Variants in DOCK9 observed in about 807,000 individuals in gnomAD.
The protein encoded by DOCK9 is dedicator of cytokinesis 9.
A neutral mutation model predicts 263.3 loss-of-function variants in DOCK9; 89 were observed. The ratio of observed to expected loss-of-function variants is 0.34; its 90% CI spans 0.28 to 0.40. The LOEUF is 0.40. Ranked by LOEUF, DOCK9 falls within the 10% of genes least tolerant of loss-of-function variation. The pLI is 1.00. For missense variants in DOCK9, 2,140 were observed against 2,603.4 expected (o/e 0.82, Z 3.87); for synonymous variants, 976 against 973.1 (o/e 1.00, Z -0.06).
chr13:98,941,198 A>T (rs2055778853), intron 2 of DOCK9, among the ~76,000 whole-genome samples: 1 of 152,182 alleles, frequency 6.6e-6, no homozygotes, highest in East Asian at 1.9e-4. Context: ...GAATCTGACC[A>T]TGTTATTCAT....
At chr13:99,060,135 A>G (rs9517577) in intron 1 of DOCK9, among the ~76,000 whole-genome samples, 40,279 of 132,816 alleles carry the variant, frequency 0.3, 5,966 homozygotes, top group East Asian at 0.48. Flanking sequence ...CTGCAGTGGC[A>G]TGATCTCGGC....
At chr13:98,918,074 C>T (rs2051203087) in intron 7 of DOCK9, among the ~76,000 whole-genome samples, 1 of 152,210 alleles carries the variant, frequency 6.6e-6, no homozygotes, top group Admixed American at 6.5e-5. Flanking sequence ...TAGCCTCCCA[C>T]CATCATTGCT....
rs1271477344 is a variant in DOCK9 at position 98,827,060 on chromosome 13, T to C, written c.4966-173A>G. 3.3e-5 allele frequency among the ~76,000 whole-genome samples: 5 copies of C among 152,392 alleles called. No individual in the cohort carries two copies. In the East Asian group the frequency reaches 9.6e-4, roughly 29 times the overall value. ...TTTGAAGAGAGTGGAATCACTCACA[T>C]AAGCTGAAAATTTGAAATTAATTGG... On this transcript the variant is annotated intron_variant, in intron 43 of 52. Coordinates refer to ENST00000682017, the MANE Select transcript of DOCK9 (RefSeq NM_001366683.2).
At chr13:98,860,660 C>T (rs2093837510) in intron 32 of DOCK9, 138 bp from the exon 33 acceptor site, 2 of 487,632 alleles carry the variant, frequency 4.1e-6, no homozygotes, top group Non-Finnish European at 6.3e-6. Flanking sequence ...GAGGAGTAGC[C>T]TTGAGGCGTG....
At chr13:99,069,703 A>G (rs906837147) in intron 1 of DOCK9, among the ~76,000 whole-genome samples, 2 of 152,240 alleles carry the variant, frequency 1.3e-5, no homozygotes, top group Non-Finnish European at 2.9e-5. Flanking sequence ...CTCCAAAAGA[A>G]TATTTCACTT....
intron 1 of DOCK9, among the ~76,000 whole-genome samples, chr13:99,005,742 T>C (rs1435866192): frequency 6.6e-6 from 1 of 152,220 alleles, no homozygotes; most frequent in Admixed American, 6.5e-5. Flanking sequence ...GCTGATAATA[T>C]TTATCAGGTG....
Position 98,829,304 on chromosome 13 carries a change from T to C in DOCK9, c.4965+3A>G, listed in dbSNP as rs1485980912. On this transcript the variant is annotated splice_donor_region_variant and intron_variant, in intron 43 of 52. Transcript: ENST00000682017. The surrounding 1 kb of genome is among the most constrained non-coding windows in gnomAD (Gnocchi z 4.1). ...CCATTCAAGCGGCTGGCAGGGCTAC[T>C]ACCTCTGAGAGATCGCCATTTTTGA... 1.2e-6 allele frequency: 2 copies of C among 1,610,326 alleles called. No individual in the cohort carries two copies. Among genetic ancestry groups the C allele is most frequent in the Non-Finnish European group, 8.5e-7 (1 of 1,178,398 alleles).
intron 15 of DOCK9, among the ~76,000 whole-genome samples, chr13:98,892,314 C>A (rs544822257): frequency 3.9e-5 from 6 of 152,140 alleles, no homozygotes; most frequent in Non-Finnish European, 7.3e-5. Context: ...CCTCCCATGC[C>A]AACAGATTTG....
chr13:98,856,416 T>C (rs2093707806), intron 33 of DOCK9: 1 of 163,588 alleles, frequency 6.1e-6, no homozygotes, highest in Admixed American at 6.0e-5. Context: ...TAATAAACAC[T>C]GAGGAGCCTA....
chr13:98,820,138 T>C (rs538871761), intron 45 of DOCK9, among the ~76,000 whole-genome samples: 1 of 152,360 alleles, frequency 6.6e-6, no homozygotes, highest in South Asian at 2.1e-4. Flanking sequence ...AACATTTTCA[T>C]TAACCAATCA....
intron 1 of DOCK9, among the ~76,000 whole-genome samples, chr13:98,985,072 AG>A (rs1440591072): frequency 2.0e-4 from 1 of 5,108 alleles, no homozygotes; most frequent in East Asian, 6.8e-3. Flanking sequence ...CTATGGGGGC[AG>A]GGGGGTGGGC....
At chr13:98,920,899 C>T (rs1471596420) in intron 7 of DOCK9, 55 bp downstream of exon 7, 5 of 1,493,850 alleles carry the variant, frequency 3.3e-6, no homozygotes, top group Non-Finnish European at 4.5e-6. Flanking sequence ...CTAATTTACA[C>T]ATAAGCACTA....
At chr13:98,900,781 A>G (rs2048151139) in intron 13 of DOCK9, among the ~76,000 whole-genome samples, 1 of 152,196 alleles carries the variant, frequency 6.6e-6, no homozygotes, top group African/African-American at 2.4e-5. Flanking sequence ...AGCATGCAGC[A>G]CCCAGGTCTT....
chr13:98,860,352 A>C (rs768431835), intron 33 of DOCK9, 53 bp downstream of exon 33: 2 of 1,552,328 alleles, frequency 1.3e-6, no homozygotes, highest in Non-Finnish European at 1.7e-6. Context: ...ATTGGCTCCA[A>C]GACACTTTCA....
chr13:98,898,356 T>G, intron 13 of DOCK9, 95 bp from the exon 14 acceptor site: 1 of 886,704 alleles, frequency 1.1e-6, no homozygotes, highest in Admixed American at 2.1e-5. Flanking sequence ...AAATAAGTCC[T>G]TACCATAGCA....
chr13:99,067,901 T>C (rs1283845571), intron 1 of DOCK9, among the ~76,000 whole-genome samples: 1 of 147,082 alleles, frequency 6.8e-6, no homozygotes, highest in Admixed American at 6.8e-5. Flanking sequence ...GTCTAACAAC[T>C]GAAGCCATGG....
rs753768310 is a variant in DOCK9 at position 98,888,166 on chromosome 13, G to T, written c.2035C>A (p.Pro679Thr). The T allele has an allele frequency of 2.5e-6, 4 of 1,603,250 alleles. No individual in the cohort carries two copies. The highest frequency in any genetic ancestry group is 2.7e-5 in the African/African-American group (2 of 74,612). The part of the protein sequence containing the change: ...FKDSDEEDSQ[P>T]LKCIYGRPGG... Reference sequence around the variant, plus strand: ...ATTAAAAAAAAACAAACCTTAAGGGGCTGAGAGTCTTCCTCATCTGAATCT... The same window carrying T: ...ATTAAAAAAAAACAAACCTTAAGGGTCTGAGAGTCTTCCTCATCTGAATCT... Residue 679 changes from proline (P) to threonine (T), a missense_variant, in exon 18 of 53, where the codon CCC becomes ACC. Around this residue, in one of 2 missense-constraint regions of DOCK9, gnomAD observed 1,521 missense variants for 1,741.7 expected, o/e 0.87. Coordinates refer to ENST00000682017, the MANE Select transcript of DOCK9 (RefSeq NM_001366683.2).
intron 9 of DOCK9, among the ~76,000 whole-genome samples, chr13:98,905,982 G>A (rs1031275921): frequency 1.3e-5 from 2 of 152,142 alleles, no homozygotes; most frequent in Non-Finnish European, 2.9e-5. Context: ...CAGCAGGGCC[G>A]ATTAACAAAT....
At chr13:99,065,073 A>G (rs2041357219) in intron 1 of DOCK9, among the ~76,000 whole-genome samples, 1 of 152,158 alleles carries the variant, frequency 6.6e-6, no homozygotes, top group Non-Finnish European at 1.5e-5. Flanking sequence ...ACAGTCACGC[A>G]CGGCTGAAAC....
Sources: allele counts gnomAD v4.1 joint callset (sites outside exome capture counted in the v4.1 genomes callset), GRCh38; gene constraint gnomAD v4.1.1; regional missense constraint gnomAD v4.1.1; non-coding constraint Gnocchi (gnomAD v3.1); transcripts MANE v1.5; gene names NCBI Gene and HGNC (gene_info 2026-07-23, HGNC 2026-07-21).